USH2A: variants seen among roughly 807,000 people sequenced by gnomAD.
USH2A encodes the protein usherin, also known as Usher syndrome 2A (autosomal recessive, mild).
In USH2A, 443 loss-of-function variants were observed where a neutral mutation model predicts 538.9. The ratio of observed to expected loss-of-function variants is 0.82; its 90% CI spans 0.76 to 0.89. USH2A has a LOEUF of 0.89. Among genes scored for constraint, USH2A ranks in the 40% least tolerant of loss-of-function variants. USH2A has a pLI of 0.00. For missense variants in USH2A, 6,633 were observed against 6,324.8 expected (o/e 1.05, Z -1.65); for synonymous variants, 2,413 against 2,273.5 (o/e 1.06, Z -1.75).
intron 52 of USH2A, among the ~76,000 whole-genome samples, chr1:215,785,242 A>G (rs914858099): frequency 2.6e-5 from 4 of 152,194 alleles, no homozygotes; most frequent in Admixed American, 6.6e-5. Context: ...GTGCCATAGC[A>G]GCACAGGGAC....
At chr1:216,415,384 G>C (rs1356553926) in intron 3 of USH2A, among the ~76,000 whole-genome samples, 1 of 151,988 alleles carries the variant, frequency 6.6e-6, no homozygotes. Context: ...CAACGTTTAA[G>C]CAATTAGTAC....
At chr1:216,294,081 G>A (rs2037058022) in intron 9 of USH2A, among the ~76,000 whole-genome samples, 1 of 152,084 alleles carries the variant, frequency 6.6e-6, no homozygotes, top group African/African-American at 2.4e-5. Context: ...GGTCTGTTAT[G>A]TACTGGAACA....
intron 10 of USH2A, among the ~76,000 whole-genome samples, chr1:216,291,148 C>T (rs937915662): frequency 1.1e-5 from 1 of 88,000 alleles, no homozygotes. Context: ...TCTCCTTGAC[C>T]TTAGATAAAA....
At chr1:216,057,106 A>G (rs2031002431) in intron 30 of USH2A, among the ~76,000 whole-genome samples, 1 of 152,184 alleles carries the variant, frequency 6.6e-6, no homozygotes, top group Non-Finnish European at 1.5e-5. Context: ...CTTTGGTGTC[A>G]ATTCTTATTG....
At chr1:215,890,582 C>T (rs1018246844) in intron 40 of USH2A, among the ~76,000 whole-genome samples, 5 of 152,140 alleles carry the variant, frequency 3.3e-5, no homozygotes, top group Admixed American at 3.3e-4. Flanking sequence ...ACCCTAAAAC[C>T]AGCAGTCATG....
At chr1:215,823,254 A>G (rs542424077) in intron 47 of USH2A, among the ~76,000 whole-genome samples, 1 of 152,118 alleles carries the variant, frequency 6.6e-6, no homozygotes, top group South Asian at 2.1e-4. Context: ...TCAGCTTTTT[A>G]TCTGGGAAGG....
chr1:216,072,714 C>A, intron 29 of USH2A, 175 bp downstream of exon 29: 1 of 661,008 alleles, frequency 1.5e-6, no homozygotes, highest in South Asian at 1.7e-5. Context: ...AAATGAAAAG[C>A]ACTGATCTAC....
chr1:216,217,694 C>A (rs2035370227), intron 14 of USH2A, 144 bp from the exon 15 acceptor site: 3 of 937,792 alleles, frequency 3.2e-6, no homozygotes, highest in African/African-American at 3.3e-5. Flanking sequence ...GCTAAACAAA[C>A]AAAGAATCAA....
chr1:216,418,674 A>G lies in USH2A; in HGVS notation c.491T>C (p.Val164Ala), dbSNP rs1479011141. The G allele has an allele frequency of 1.2e-6, 2 of 1,612,926 alleles. No individual in the cohort carries two copies. The highest frequency in any genetic ancestry group is 2.2e-5 in the East Asian group (1 of 44,766). The change falls in exon 3 of 72, where the codon GTT becomes GCT. Residue 164 changes from valine (V) to alanine (A), a missense_variant. Transcript: ENST00000307340. The stretch of plus-strand genomic sequence containing the variant: ...CTGCCCATCTACTGTCTTTTCTATA[A>G]CACACCTTAGGAAGCAACCGGAAAA... ...LKPEQQGVMC[V>A]IEKTVDGQIV... is the part of the protein sequence containing the mutation.
At chr1:215,693,631 C>T (rs1658695604) in intron 61 of USH2A, among the ~76,000 whole-genome samples, 2 of 152,098 alleles carry the variant, frequency 1.3e-5, no homozygotes, top group East Asian at 3.9e-4. Flanking sequence ...ATCAATAGTA[C>T]CATATTGAAA....
chr1:216,238,722 A>C (rs563234610), intron 13 of USH2A, among the ~76,000 whole-genome samples: 3 of 152,280 alleles, frequency 2.0e-5, no homozygotes, highest in African/African-American at 7.2e-5. Flanking sequence ...GTTTCATTAC[A>C]TGCACCTTCC....
At chr1:216,059,416 C>T (rs2031096189) in intron 30 of USH2A, among the ~76,000 whole-genome samples, 4 of 152,062 alleles carry the variant, frequency 2.6e-5, no homozygotes, top group African/African-American at 9.7e-5. Flanking sequence ...TTGTAGACAC[C>T]CAAACAATGA....
chr1:215,950,826 C>T (rs905438949), intron 37 of USH2A, among the ~76,000 whole-genome samples: 5 of 152,106 alleles, frequency 3.3e-5, no homozygotes, highest in Non-Finnish European at 7.4e-5. Context: ...ACCATTTTAA[C>T]AAAACTGTCT....
At chr1:216,267,925 C>T (rs971008884) in intron 11 of USH2A, among the ~76,000 whole-genome samples, 10 of 152,026 alleles carry the variant, frequency 6.6e-5, no homozygotes, top group African/African-American at 2.4e-4. Flanking sequence ...GTTTTTCTAG[C>T]GTTCCTTAGC....
chr1:216,346,927 T>G (rs2038186853), intron 4 of USH2A, among the ~76,000 whole-genome samples: 1 of 152,014 alleles, frequency 6.6e-6, no homozygotes, highest in South Asian at 2.1e-4. Flanking sequence ...AAATAATAAG[T>G]GTCTAAATCA....
chr1:215,941,065 C>G (rs1485380564), intron 37 of USH2A, among the ~76,000 whole-genome samples: 1 of 152,056 alleles, frequency 6.6e-6, no homozygotes, highest in African/African-American at 2.4e-5. Context: ...TTTTCCCCAT[C>G]AAGCTCTCTC....
rs374569301 is a variant in USH2A, at chr1:215,900,819, C to T, written c.7387G>A (p.Ala2463Thr). ...VVWSTPARNN[A>T]PGSPRYQLQM... is the part of the protein sequence containing the mutation. ...AGTTGGTATCTGGGAGAGCCAGGAG[C>T]GTTATTACGAGCTGGTGTAGACCAG... The change falls in exon 39 of 72, where the codon GCT (alanine) becomes ACT (threonine). Residue 2463 changes from alanine (A) to threonine (T), a missense_variant. Coordinates refer to ENST00000307340, the MANE Select transcript of USH2A (RefSeq NM_206933.4). The T allele has an allele frequency of 1.3e-5, 21 of 1,613,620 alleles. No individual in the cohort carries two copies. The highest frequency in any genetic ancestry group is 6.7e-5 in the Admixed American group (4 of 59,970).
intron 37 of USH2A, among the ~76,000 whole-genome samples, chr1:215,940,018 C>G (rs1571831294): frequency 6.6e-6 from 1 of 152,010 alleles, no homozygotes; most frequent in Non-Finnish European, 1.5e-5. Context: ...GTAACAGGAA[C>G]AGAAAATGGC....
intron 4 of USH2A, among the ~76,000 whole-genome samples, chr1:216,353,223 G>A (rs1433097161): frequency 6.6e-6 from 1 of 151,954 alleles, no homozygotes; most frequent in African/African-American, 2.4e-5. Flanking sequence ...ATCCCGGGAG[G>A]GATGAGGAAT....
Sources: gnomAD v4.1 joint callset for allele counts (sites outside exome capture counted in the v4.1 genomes callset) on GRCh38, gnomAD v4.1.1 for gene constraint, MANE v1.5 for transcripts, NCBI Gene and HGNC (gene_info 2026-07-23, HGNC 2026-07-21) for gene names.